Variants in ADAT2 observed in about 807,000 individuals in gnomAD.
ADAT2 encodes the protein adenosine deaminase tRNA specific 2.
Under a neutral mutation model 25.9 loss-of-function variants are expected in ADAT2, and 26 were observed. The observed-to-expected ratio is 1.00, with a 90% CI of 0.74 to 1.39. The LOEUF is 1.39. Among genes scored for constraint, ADAT2 ranks in the 40% most tolerant of loss-of-function variants. ADAT2 has a pLI of 0.00. For missense variants in ADAT2, 220 were observed against 244.8 expected, an observed-to-expected ratio of 0.90 and a Z score of 0.68; for synonymous variants, 76 against 86.8, an observed-to-expected ratio of 0.88 and a Z score of 0.69.
rs1473031975 is a variant in ADAT2 at position 143,440,915 on chromosome 6, C to T, written c.97-2221G>A. ...GGATCTTGAGATGGAGAGATTATCC[C>T]AAATTCAGGTGGGTCCTGAAGGCAC... On this transcript the variant is annotated intron_variant, in intron 1 of 5. Coordinates refer to ENST00000237283, the MANE Select transcript of ADAT2 (RefSeq NM_182503.3). This position sits in a 1 kb window ranked among gnomAD's most constrained non-coding sequence, Gnocchi z 4.5. 6.6e-6 allele frequency among the ~76,000 whole-genome samples: 1 copy of T among 152,084 alleles called. No homozygotes were observed. The highest frequency in any genetic ancestry group is 1.5e-5 in the Non-Finnish European group (1 of 68,014).
At position 143,434,011 on chromosome 6, in the gene ADAT2, C is replaced by T. The variant is rs201707536; in HGVS notation, c.202-30G>A. The T allele has an allele frequency of 7.4e-6, 12 of 1,610,750 alleles. No individual in the cohort carries two copies. In the African/African-American group the frequency reaches 1.3e-4, roughly 18 times the overall value. ...AAAGAGAAAGGGGCTTGCACTGATG[C>T]TGTTTGCTTCATGTGACTACTATTT... On this transcript the variant is annotated intron_variant, in intron 2 of 5. Coordinates refer to ENST00000237283, the MANE Select transcript of ADAT2 (RefSeq NM_182503.3). This position sits in a 1 kb window ranked among gnomAD's most constrained non-coding sequence, Gnocchi z 4.5.
chr6:143,449,516 T>C (rs2128744521), intron 1 of ADAT2, among the ~76,000 whole-genome samples: 1 of 152,270 alleles, frequency 6.6e-6, no homozygotes, highest in South Asian at 2.1e-4. Flanking sequence ...GCTTCTTGGG[T>C]TTTAGCATAT....
chr6:143,447,241 A>T (rs1000225130), intron 1 of ADAT2, among the ~76,000 whole-genome samples: 21 of 152,156 alleles, frequency 1.4e-4, no homozygotes, highest in African/African-American at 5.1e-4. Context: ...ATTTCACCTT[A>T]ATTAATTTAA....
rs1291311740 is a variant in ADAT2 at position 143,423,150 on chromosome 6, G to A, written c.*5313C>T. 2.0e-5 allele frequency: 3 copies of A among 152,156 alleles called. No individual in the cohort carries two copies. The highest frequency in any genetic ancestry group is 4.8e-5 in the African/African-American group (2 of 41,432). The allele number at this position is 152,156 out of a possible 1,614,324, so 9.4% of individuals were successfully genotyped here. ...GACCAGGGGCAGCTAACATTTTCTC[G>A]AAGGGCCAGACGCTAAATATTTTAG... On this transcript the variant is annotated 3_prime_UTR_variant, in exon 6 of 6. Transcript: ENST00000237283.
intron 4 of ADAT2, among the ~76,000 whole-genome samples, chr6:143,431,620 G>A (rs1779118326): frequency 6.6e-6 from 1 of 152,164 alleles, no homozygotes; most frequent in Admixed American, 6.5e-5. Flanking sequence ...AGCTAATGTT[G>A]AGCTAGAAAA....
At chr6:143,441,431 G>C (rs1270769252) in intron 1 of ADAT2, 2 of 152,162 alleles carry the variant, frequency 1.3e-5, no homozygotes, top group Non-Finnish European at 2.9e-5. Flanking sequence ...AAGTTGATTT[G>C]GCTCACAGTT....
At position 143,427,126 on chromosome 6, in the gene ADAT2, C is replaced by CACAT. The variant is rs1472126316; in HGVS notation, c.*1336_*1337insATGT. On this transcript the variant is annotated 3_prime_UTR_variant, in exon 6 of 6. Transcript: ENST00000237283. Reference sequence around the variant, plus strand: ...ACACACACACACACACACACACACACACACACACAAAACCAAGCAATTATA... The same window carrying CACAT: ...ACACACACACACACACACACACACACACATACACACACAAAACCAAGCAATTATA... 3.3e-3 allele frequency: 502 copies of CACAT among 152,404 alleles called. 4 individuals carry two copies. The highest frequency in any genetic ancestry group is 0.011 in the African/African-American group (469 of 41,350). 9.4% of individuals were successfully genotyped at this position (152,404 alleles called of 1,614,324 possible). A position where few individuals can be genotyped will look rare whatever the true frequency, so the allele number is the denominator to read the frequency against.
At chr6:143,439,348 A>G (rs542227399) in intron 1 of ADAT2, among the ~76,000 whole-genome samples, 1 of 57,098 alleles carries the variant, frequency 1.8e-5, no homozygotes, top group East Asian at 8.1e-4. Flanking sequence ...TGTGTCTACA[A>G]AAAAAAAAAA....
chr6:143,433,779 C>T, intron 3 of ADAT2, 52 bp downstream of exon 3: 2 of 1,544,358 alleles, frequency 1.3e-6, no homozygotes, highest in Non-Finnish European at 8.8e-7. Flanking sequence ...TTTGGCCACT[C>T]TCTTGTTCAC....
At position 143,432,676 on chromosome 6, in the gene ADAT2, G is replaced by A. The variant is rs1779151408; in HGVS notation, c.353-65C>T. The A allele has an allele frequency of 6.6e-7, 1 of 1,505,834 alleles. No homozygotes were observed. Among genetic ancestry groups the A allele is most frequent in the Non-Finnish European group, 9.2e-7 (1 of 1,083,574 alleles). 93.3% of individuals were successfully genotyped at this position (1,505,834 alleles called of 1,614,324 possible). A position where few individuals can be genotyped will look rare whatever the true frequency, so the allele number is the denominator to read the frequency against. On this transcript the variant is annotated intron_variant, in intron 3 of 5. Transcript: ENST00000237283. The surrounding 1 kb of genome is among the most constrained non-coding windows in gnomAD (Gnocchi z 4.4). ...AAGTATGTATCGTGACAAAATCAGAGTAGGTTTATACCAGCCATCCTGGAG... is the reference window on the plus strand; with the variant it reads ...AAGTATGTATCGTGACAAAATCAGAATAGGTTTATACCAGCCATCCTGGAG...
chr6:143,447,109 T>A (rs1245014365), intron 1 of ADAT2, among the ~76,000 whole-genome samples: 1 of 152,208 alleles, frequency 6.6e-6, no homozygotes, highest in African/African-American at 2.4e-5. Context: ...ATCCAACAGA[T>A]CCTTTTGTAG....
chr6:143,431,649 A>T (rs148459423), intron 4 of ADAT2, among the ~76,000 whole-genome samples: 10 of 152,078 alleles, frequency 6.6e-5, no homozygotes, highest in African/African-American at 2.4e-4. Flanking sequence ...CGTTTTAAAA[A>T]CTCGTTCTCA....
intron 4 of ADAT2, among the ~76,000 whole-genome samples, chr6:143,429,300 A>C (rs1050584663): frequency 1.3e-5 from 2 of 152,332 alleles, no homozygotes; most frequent in African/African-American, 4.8e-5. Flanking sequence ...CAAAGGGTGA[A>C]ATATTTACTA....
rs1779559014 is a variant in ADAT2, at chr6:143,444,919, G to C, written c.96+5644C>G. ...TGTCATGATAAAAGGGGGAGAGATG[G>C]AAACAGACCTTGTTTGCACACAGTT... is the stretch of plus-strand genomic sequence containing the variant. On this transcript the variant is annotated intron_variant, in intron 1 of 5. Transcript: ENST00000237283. The surrounding 1 kb of genome is among the most constrained non-coding windows in gnomAD (Gnocchi z 4.3). 1.5e-6 allele frequency: 2 copies of C among 1,301,822 alleles called. No individual in the cohort carries two copies. Among genetic ancestry groups the C allele is most frequent in the African/African-American group, 3.0e-5 (2 of 65,864 alleles). 80.6% of individuals were successfully genotyped at this position (1,301,822 alleles called of 1,614,324 possible).
intron 1 of ADAT2, chr6:143,445,047 T>A: frequency 1.1e-6 from 1 of 890,172 alleles, no homozygotes; most frequent in South Asian, 1.5e-5. Flanking sequence ...TCCAAAAGGC[T>A]AAACTATATA....
intron 1 of ADAT2, among the ~76,000 whole-genome samples, chr6:143,439,255 C>T (rs1779385093): frequency 6.8e-6 from 1 of 146,938 alleles, no homozygotes; most frequent in Admixed American, 7.0e-5. Flanking sequence ...TTATGAAAAA[C>T]GTTTTGGAAA....
chr6:143,450,684 C>T lies in ADAT2; in HGVS notation c.-26G>A, dbSNP rs201093312. On this transcript the variant is annotated 5_prime_UTR_variant, in exon 1 of 6. Transcript: ENST00000237283. ...ACCCAGCCACCACTCAGCTACAGAG[C>T]CCGCGGCAGAGGAGGAGCGCGGGCA... 308 of 1,609,562 alleles carry T rather than the reference C, an allele frequency of 1.9e-4. 1 individual carries two copies. In the East Asian group the frequency reaches 5.9e-3, roughly 31 times the overall value.
chr6:143,443,553 G>A (rs545961531), intron 1 of ADAT2, among the ~76,000 whole-genome samples: 17 of 152,192 alleles, frequency 1.1e-4, no homozygotes, highest in Admixed American at 2.0e-4. Context: ...AAAATAGGCT[G>A]AGCACAGTGG....
Position 143,444,058 on chromosome 6 carries a change from T to C in ADAT2, c.97-5364A>G, listed in dbSNP as rs919440372. On this transcript the variant is annotated intron_variant, in intron 1 of 5. Transcript: ENST00000237283. This position sits in a 1 kb window ranked among gnomAD's most constrained non-coding sequence, Gnocchi z 4.3. ...AAGTTCTGTCTTGTTCACCTGGAGA[T>C]AGCACCCACGCCACCATGTTACTGG... Among the ~76,000 whole-genome samples the C allele has an allele frequency of 6.6e-6, 1 of 152,012 alleles. No individual in the cohort carries two copies.
Sources: allele counts gnomAD v4.1 joint callset (sites outside exome capture counted in the v4.1 genomes callset), GRCh38; gene constraint gnomAD v4.1.1; non-coding constraint Gnocchi (gnomAD v3.1); transcripts MANE v1.5; gene names NCBI Gene and HGNC (gene_info 2026-07-23, HGNC 2026-07-21).